The following PTPRQ variants were observed in gnomAD, a reference collection of about 807,000 sequenced individuals.
PTPRQ encodes the protein phosphatidylinositol phosphatase PTPRQ.
A neutral mutation model predicts 246.0 loss-of-function variants in PTPRQ; 199 were observed. The ratio of observed to expected loss-of-function variants is 0.81; its 90% CI spans 0.72 to 0.91. The LOEUF (loss-of-function observed/expected upper bound fraction) is 0.91, where lower values mean the gene tolerates loss of function less well. PTPRQ is among the 40% of genes least tolerant of loss of function. PTPRQ has a pLI of 0.00. For synonymous variants in PTPRQ, 869 were observed against 853.2 expected (o/e 1.02, Z -0.32); for missense variants, 2,624 against 2,528.4 (o/e 1.04, Z -0.81).
intron 26 of PTPRQ, among the ~76,000 whole-genome samples, chr12:80,602,080 A>C (rs1898164094): frequency 6.6e-6 from 1 of 151,688 alleles, no homozygotes; most frequent in African/African-American, 2.4e-5. Flanking sequence ...GCAATGTAAA[A>C]CTGGATCTTT....
chr12:80,480,573 A>G (rs1894005895), intron 8 of PTPRQ, among the ~76,000 whole-genome samples: 1 of 149,144 alleles, frequency 6.7e-6, no homozygotes, highest in African/African-American at 2.5e-5. Context: ...CAAAAAATCA[A>G]TGAATCCAGG....
At chr12:80,595,114 C>T (rs1897926316) in intron 26 of PTPRQ, among the ~76,000 whole-genome samples, 1 of 152,070 alleles carries the variant, frequency 6.6e-6, no homozygotes, top group African/African-American at 2.4e-5. Flanking sequence ...TGGTGACCAG[C>T]TTTGTTTTCG....
intron 35 of PTPRQ, among the ~76,000 whole-genome samples, chr12:80,637,950 A>T (rs1470087356): frequency 6.6e-6 from 1 of 152,108 alleles, no homozygotes; most frequent in Non-Finnish European, 1.5e-5. Flanking sequence ...GCAGGAAAGA[A>T]CTTCCATAAT....
intron 37 of PTPRQ, among the ~76,000 whole-genome samples, 156 bp from the exon 38 acceptor site, chr12:80,652,588 C>T (rs1352928487): frequency 1.3e-5 from 2 of 151,922 alleles, no homozygotes; most frequent in East Asian, 3.9e-4. Flanking sequence ...TAGGTAAACT[C>T]ATTACTGTTA....
At chr12:80,616,713 G>A (rs1031370514) in intron 30 of PTPRQ, among the ~76,000 whole-genome samples, 1 of 151,110 alleles carries the variant, frequency 6.6e-6, no homozygotes, top group African/African-American at 2.4e-5. Flanking sequence ...TACCATGTAG[G>A]TTGGTTTATG....
At chr12:80,447,644 T>G (rs1892593900) in intron 3 of PTPRQ, among the ~76,000 whole-genome samples, 1 of 150,964 alleles carries the variant, frequency 6.6e-6, no homozygotes, top group South Asian at 2.1e-4. Context: ...CAGCACCATT[T>G]ATTGAACAGA....
chr12:80,625,474 G>A (rs771565395), intron 33 of PTPRQ, among the ~76,000 whole-genome samples: 4 of 152,134 alleles, frequency 2.6e-5, no homozygotes, highest in Admixed American at 6.5e-5. Context: ...GGATTTAAGA[G>A]CTTTTGCACG....
chr12:80,652,511 A>T (rs570161085), intron 37 of PTPRQ, among the ~76,000 whole-genome samples: 1 of 152,220 alleles, frequency 6.6e-6, no homozygotes, highest in African/African-American at 2.4e-5. Context: ...CAAAGTGCAA[A>T]GAAATTATCT....
Position 80,668,055 on chromosome 12 carries a change from G to T in PTPRQ, c.6193-952G>T, listed in dbSNP as rs145108675. Reference sequence around the variant, plus strand: ...AAAATTTAAATATATGTTATTTTTTGTATATTACTATTCTCTGACTACTGA... The same window carrying T: ...AAAATTTAAATATATGTTATTTTTTTTATATTACTATTCTCTGACTACTGA... On this transcript the variant is annotated intron_variant, in intron 39 of 44. Transcript: ENST00000644991. 7.9e-5 allele frequency among the ~76,000 whole-genome samples: 12 copies of T among 151,922 alleles called. No individual in the cohort carries two copies. In the East Asian group the frequency reaches 1.8e-3, roughly 22 times the overall value.
chr12:80,610,416 T>C, intron 27 of PTPRQ, 23 bp from the exon 28 acceptor site: 3 of 1,451,828 alleles, frequency 2.1e-6, no homozygotes, highest in South Asian at 2.9e-5. Flanking sequence ...GCTTCCTTAA[T>C]TTTTACTTAT....
At chr12:80,603,481 C>T (rs1301215008) in intron 26 of PTPRQ, among the ~76,000 whole-genome samples, 3 of 151,618 alleles carry the variant, frequency 2.0e-5, no homozygotes, top group Admixed American at 2.0e-4. Flanking sequence ...TTTATTCCTC[C>T]ATAAATACTG....
intron 28 of PTPRQ, among the ~76,000 whole-genome samples, chr12:80,612,996 A>G (rs987636211): frequency 1.3e-5 from 2 of 150,586 alleles, no homozygotes; most frequent in Non-Finnish European, 3.0e-5. Flanking sequence ...AGAGGATACT[A>G]GGAGAGAGTT....
intron 35 of PTPRQ, among the ~76,000 whole-genome samples, chr12:80,639,782 CAT>C (rs1453095689): frequency 6.6e-6 from 1 of 152,142 alleles, no homozygotes; most frequent in East Asian, 1.9e-4. Context: ...GGTCTACTTT[CAT>C]ATATAGAGTT....
chr12:80,487,378 G>A (rs564138753), intron 9 of PTPRQ, among the ~76,000 whole-genome samples: 6 of 152,218 alleles, frequency 3.9e-5, no homozygotes, highest in Admixed American at 2.0e-4. Context: ...GCAATTAATA[G>A]TGTCAGTGTG....
At chr12:80,558,230 C>T (rs551400869) in intron 25 of PTPRQ, among the ~76,000 whole-genome samples, 16 of 148,928 alleles carry the variant, frequency 1.1e-4, no homozygotes, top group South Asian at 4.2e-4. Flanking sequence ...TGCAGTGGTG[C>T]GATCTCGACT....
At chr12:80,583,984 T>C (rs1243705730) in intron 25 of PTPRQ, 2 of 152,166 alleles carry the variant, frequency 1.3e-5, no homozygotes, top group Admixed American at 6.5e-5. Context: ...GAGCCAACAA[T>C]AGAGAAATTT....
intron 26 of PTPRQ, among the ~76,000 whole-genome samples, chr12:80,595,612 TG>T (rs1361948445): frequency 6.6e-6 from 1 of 151,944 alleles, no homozygotes; most frequent in Non-Finnish European, 1.5e-5. Context: ...ATGTGCACAA[TG>T]TGCAGGTTAG....
intron 38 of PTPRQ, among the ~76,000 whole-genome samples, chr12:80,654,809 G>A (rs915625917): frequency 1.4e-4 from 21 of 151,812 alleles, no homozygotes; most frequent in Non-Finnish European, 1.9e-4. Flanking sequence ...GCAGTGAGCC[G>A]AGATCGCACC....
intron 6 of PTPRQ, among the ~76,000 whole-genome samples, chr12:80,467,974 T>A (rs1893493751): frequency 6.6e-6 from 1 of 152,188 alleles, no homozygotes; most frequent in African/African-American, 2.4e-5. Flanking sequence ...AACCTGCACG[T>A]TGTGCACATG....
Sources: gnomAD v4.1 joint callset for allele counts (sites outside exome capture counted in the v4.1 genomes callset) on GRCh38, gnomAD v4.1.1 for gene constraint, MANE v1.5 for transcripts, NCBI Gene and HGNC (gene_info 2026-07-23, HGNC 2026-07-21) for gene names.